Variants in ASAH2 observed in about 807,000 individuals in gnomAD.
ASAH2 encodes the protein neutral ceramidase.
In ASAH2, 58 loss-of-function variants were observed where a neutral mutation model predicts 82.9. The ratio of observed to expected loss-of-function variants is 0.70; its 90% CI spans 0.57 to 0.87. The LOEUF is 0.87. Ranked by LOEUF, ASAH2 falls within the 40% of genes least tolerant of loss-of-function variation. The pLI is 0.00. For missense variants in ASAH2, 779 were observed against 834.0 expected (o/e 0.93, Z 0.81); for synonymous variants, 276 against 289.7 (o/e 0.95, Z 0.48).
In ASAH2 at chr10:50,235,784, C is replaced by G. The variant is rs1020919793; in HGVS notation, c.687+104G>C. On this transcript the variant is annotated intron_variant, in intron 5 of 20. Transcript: ENST00000682911. ...AAGAATTGTACATGCTAATACTATG[C>G]TCAGACCCAAATCCTATAGGGATTC... The G allele has an allele frequency of 3.7e-4, 488 of 1,317,634 alleles. No homozygotes were observed. The African/African-American group carries it at 5.0e-3, about 13-fold the overall frequency. The allele number at this position is 1,317,634 out of a possible 1,614,324, so 81.6% of individuals were successfully genotyped here.
intron 3 of ASAH2, 152 bp downstream of exon 3, chr10:50,245,070 T>A (rs1215042094): frequency 5.6e-6 from 4 of 717,182 alleles, no homozygotes; most frequent in Non-Finnish European, 9.2e-6. Context: ...TTCCTTCTAG[T>A]ATGAAATTCA....
At chr10:50,208,943 T>G (rs2133205149) in intron 12 of ASAH2, among the ~76,000 whole-genome samples, 1 of 152,276 alleles carries the variant, frequency 6.6e-6, no homozygotes, top group South Asian at 2.1e-4. Context: ...TGGCACAAGG[T>G]TAGGCATATA....
At chr10:50,220,248 A>AT (rs1845706208) in intron 7 of ASAH2, among the ~76,000 whole-genome samples, 1 of 152,168 alleles carries the variant, frequency 6.6e-6, no homozygotes, top group East Asian at 1.9e-4. Flanking sequence ...GGGGTTACAT[A>AT]TTTTTTAAAG....
chr10:50,236,006 A>C lies in ASAH2; in HGVS notation c.569T>G (p.Leu190Arg). The C allele has an allele frequency of 6.2e-7, 1 of 1,613,372 alleles. No individual in the cohort carries two copies. Among genetic ancestry groups the C allele is most frequent in the Middle Eastern group, 1.7e-4 (1 of 6,050 alleles). The stretch of plus-strand genomic sequence containing the variant: ...ACCTGAATGAGTGTGAGTGCCACTC[A>C]GGATGACATTATCTCTTCTGTACAG... ...GSLYRRDNVI[L>R]SGTHTHSGPA... Residue 190 changes from leucine (L) to arginine (R), a missense_variant, in exon 5 of 21, where the codon CTG becomes CGG. This residue lies in a region of ASAH2 where 759 missense variants were observed against 755.2 expected (regional missense o/e 1.00). Transcript: ENST00000682911.
Position 50,214,834 on chromosome 10 carries a change from A to G in ASAH2, c.1049T>C (p.Leu350Pro), listed in dbSNP as rs750808654. 6.2e-6 allele frequency: 10 copies of G among 1,613,720 alleles called. No homozygotes were observed. Among genetic ancestry groups the G allele is most frequent in the Non-Finnish European group, 5.1e-6 (6 of 1,179,688 alleles). Residue 350 changes from leucine (L) to proline (P), a missense_variant, in exon 9 of 21, where the codon CTA becomes CCA. Transcript: ENST00000682911. ...AAGAATGTTGGGGGACACATCTCCTAGGTTTGATGAAGCAAAGGCTGCTAC... is the reference window on the plus strand; with the variant it reads ...AAGAATGTTGGGGGACACATCTCCTGGGTTTGATGAAGCAAAGGCTGCTAC... ...PFVAAFASSN[L>P]GDVSPNILGP...
intron 7 of ASAH2, among the ~76,000 whole-genome samples, chr10:50,225,839 T>G (rs1320650736): frequency 6.6e-5 from 10 of 152,116 alleles, no homozygotes; most frequent in African/African-American, 2.4e-4. Flanking sequence ...AATTGTAATC[T>G]CAATACTTTG....
chr10:50,203,656 C>T lies in ASAH2; in HGVS notation c.1649G>A (p.Arg550Gln), dbSNP rs1333761420. 35 of 1,612,370 alleles carry T rather than the reference C, an allele frequency of 2.2e-5. No homozygotes were observed. Among genetic ancestry groups the T allele is most frequent in the Middle Eastern group, 1.6e-4 (1 of 6,068 alleles). The change falls in exon 15 of 21, where the codon CGA (arginine) becomes CAA (glutamine). Residue 550 changes from arginine (R) to glutamine (Q), a missense_variant. Physicochemically the swap from Arg to Gln is conservative, Grantham distance 43. Around this residue, in one of 3 missense-constraint regions of ASAH2, gnomAD observed 759 missense variants for 755.2 expected, o/e 1.00. Coordinates refer to ENST00000682911, the MANE Select transcript of ASAH2 (RefSeq NM_019893.4). ...TTAACTTACTGCTTGAACTGCCTCT[C>T]GAAGTCTTCGTCCAGACATGGTCCT... ...EFTTMSGRRL[R>Q]EAVQAEFASH...
chr10:50,202,159 T>C (rs1845165842), intron 16 of ASAH2, among the ~76,000 whole-genome samples: 1 of 152,100 alleles, frequency 6.6e-6, no homozygotes, highest in Non-Finnish European at 1.5e-5. Flanking sequence ...ACTCTTAGTA[T>C]CACTGAATAT....
rs367615922 is a variant in ASAH2 at position 50,247,153 on chromosome 10, ATTTTTCT to A, written c.127+1324_127+1330del. On this transcript the variant is annotated intron_variant, in intron 2 of 20. Transcript: ENST00000682911. Reference sequence around the variant, plus strand: ...TTTTAAGAGCTAAAACTGAATAATTATTTTTCTTTTTTTTTTTTAAATGGAGTCTCAC... The same window carrying A: ...TTTTAAGAGCTAAAACTGAATAATTATTTTTTTTTTTAAATGGAGTCTCAC... Among the ~76,000 whole-genome samples the A allele has an allele frequency of 9.3e-4, 141 of 151,076 alleles. 1 individual carries two copies. Among genetic ancestry groups the A allele is most frequent in the African/African-American group, 3.4e-3 (138 of 41,136 alleles).
chr10:50,205,775 A>C (rs1845276615), intron 13 of ASAH2, among the ~76,000 whole-genome samples: 1 of 151,958 alleles, frequency 6.6e-6, no homozygotes, highest in African/African-American at 2.4e-5. Flanking sequence ...ATTAATCATA[A>C]GTGCAATAGG....
chr10:50,197,595 C>T (rs1008277712), intron 17 of ASAH2, among the ~76,000 whole-genome samples: 33 of 151,878 alleles, frequency 2.2e-4, no homozygotes, highest in African/African-American at 7.7e-4. Flanking sequence ...TAGATTTAAT[C>T]TTTACAACTG....
Position 50,205,965 on chromosome 10 carries a change from T to A in ASAH2, c.1530+17A>T. 1.3e-6 allele frequency: 2 copies of A among 1,569,088 alleles called. No homozygotes were observed. The highest frequency in any genetic ancestry group is 1.8e-6 in the Non-Finnish European group (2 of 1,139,358). On this transcript the variant is annotated intron_variant, in intron 13 of 20. Coordinates refer to ENST00000682911, the MANE Select transcript of ASAH2 (RefSeq NM_019893.4). ...TAACAATATGCTAATTTCACTATGATAACGAAAATGCATTACTTCTCCGGT... is the reference window on the plus strand; with the variant it reads ...TAACAATATGCTAATTTCACTATGAAAACGAAAATGCATTACTTCTCCGGT...
chr10:50,230,030 A>C (rs1432648977), intron 7 of ASAH2, among the ~76,000 whole-genome samples: 1 of 152,154 alleles, frequency 6.6e-6, no homozygotes, highest in Non-Finnish European at 1.5e-5. Flanking sequence ...TGGAGAGAAG[A>C]TATGATAGCC....
rs1176491466 is a variant in ASAH2 at position 50,203,679 on chromosome 10, C to T, written c.1626G>A (p.Thr542=). ...CTCGAAGTCTTCGTCCAGACATGGT[C>T]CTGAGTCAAGAAAAAAATTATGTAA... ...LAITAIPGEF[T]TMSGRRLREA... is the part of the protein sequence containing the mutation. Residue 542 remains threonine (T), a splice_region_variant and synonymous_variant, in exon 15 of 21, where the codon ACG becomes ACA. Coordinates refer to ENST00000682911, the MANE Select transcript of ASAH2 (RefSeq NM_019893.4). The T allele has an allele frequency of 1.2e-6, 2 of 1,612,270 alleles. No homozygotes were observed. The highest frequency in any genetic ancestry group is 1.7e-5 in the Admixed American group (1 of 59,876).
At chr10:50,207,322 T>C (rs1249525855) in intron 12 of ASAH2, among the ~76,000 whole-genome samples, 1 of 151,658 alleles carries the variant, frequency 6.6e-6, no homozygotes. Flanking sequence ...AAATAATCAG[T>C]ATTCGAAAGA....
At chr10:50,226,324 T>C (rs2133219070) in intron 7 of ASAH2, among the ~76,000 whole-genome samples, 1 of 152,272 alleles carries the variant, frequency 6.6e-6, no homozygotes, top group South Asian at 2.1e-4. Flanking sequence ...AAAATCCCAC[T>C]TTTTAAGAAA....
intron 18 of ASAH2, among the ~76,000 whole-genome samples, chr10:50,194,793 C>T (rs1200634425): frequency 6.6e-6 from 1 of 151,600 alleles, no homozygotes; most frequent in Non-Finnish European, 1.5e-5. Flanking sequence ...GACAAAGGTG[C>T]CAAGAACGCA....
At chr10:50,211,172 G>A in intron 10 of ASAH2, 38 bp from the exon 11 acceptor site, 1 of 1,424,458 alleles carries the variant, frequency 7.0e-7, no homozygotes. Context: ...AAGCAAAAAG[G>A]CTAAAGTGAT....
intron 1 of ASAH2, among the ~76,000 whole-genome samples, chr10:50,249,080 G>T (rs1846549277): frequency 6.6e-6 from 1 of 152,202 alleles, no homozygotes; most frequent in African/African-American, 2.4e-5. Flanking sequence ...GGCTGGCTGG[G>T]GTTAGGACAG....
Sources: gnomAD v4.1 joint callset for allele counts (sites outside exome capture counted in the v4.1 genomes callset) on GRCh38, gnomAD v4.1.1 for gene constraint, gnomAD v4.1.1 regional missense constraint, MANE v1.5 for transcripts, NCBI Gene and HGNC (gene_info 2026-07-23, HGNC 2026-07-21) for gene names.